Variants in KIR3DL1 observed in about 807,000 individuals in gnomAD.
KIR3DL1 encodes killer cell immunoglobulin-like receptor 3DL1.
In KIR3DL1, 50 loss-of-function variants were observed where a neutral mutation model predicts 40.3. That is an observed-to-expected ratio of 1.24 (90% CI 0.99 to 1.57). The LOEUF is 1.57. Among genes scored for constraint, KIR3DL1 ranks in the 40% most tolerant of loss-of-function variants. The pLI, the probability that KIR3DL1 is intolerant of heterozygous loss-of-function variation, is 0.00. For synonymous variants in KIR3DL1, 257 were observed against 207.2 expected, an observed-to-expected ratio of 1.24 and a Z score of -2.07; for missense variants, 661 against 559.9, an observed-to-expected ratio of 1.18 and a Z score of -1.82.
chr19:54,818,670 C>T lies in KIR3DL1; in HGVS notation c.355+71C>T, dbSNP rs1601317133. On this transcript the variant is annotated intron_variant, in intron 3 of 8. Coordinates refer to ENST00000391728, the Ensembl canonical transcript of KIR3DL1. ...TCCCAGAGCTTCTGGTGGGGGTGTCCGTCAGGGTCCCATCACCCAGGCCCT... is the reference window on the plus strand; with the variant it reads ...TCCCAGAGCTTCTGGTGGGGGTGTCTGTCAGGGTCCCATCACCCAGGCCCT... 26 of 1,546,512 alleles carry T rather than the reference C, an allele frequency of 1.7e-5. 1 individual carries two copies. The highest frequency in any genetic ancestry group is 2.3e-4 in the Middle Eastern group (1 of 4,424).
At chr19:54,816,567 G>A in intron 1 of KIR3DL1, 33 bp downstream of exon 1, 1 of 1,607,940 alleles carries the variant, frequency 6.2e-7, no homozygotes, top group South Asian at 1.1e-5. Context: ...GGGAGGGAGT[G>A]CGGGGATGGA....
chr19:54,825,605 G>A (rs1469254560), intron 6 of KIR3DL1, among the ~76,000 whole-genome samples: 1 of 150,034 alleles, frequency 6.7e-6, no homozygotes, highest in African/African-American at 2.5e-5. Context: ...TGTGCAGTTG[G>A]AATCCTTTCC....
At chr19:54,818,046 C>T (rs550064290) in intron 2 of KIR3DL1, among the ~76,000 whole-genome samples, 5 of 148,630 alleles carry the variant, frequency 3.4e-5, no homozygotes, top group Middle Eastern at 3.2e-3. Flanking sequence ...CCCTCCATGC[C>T]GTGTCTACTT....
intron 6 of KIR3DL1, among the ~76,000 whole-genome samples, chr19:54,825,663 A>G (rs3826865): frequency 0.46 from 65,964 of 143,472 alleles, 14,367 homozygotes; most frequent in Non-Finnish European, 0.53. Context: ...TGAAAACAAA[A>G]CGGTTTTTTA....
rs2061658566 is a variant in KIR3DL1 at position 54,821,859 on chromosome 19, G to A, written c.949+1G>A. 1.9e-6 allele frequency: 3 copies of A among 1,599,520 alleles called. No individual in the cohort carries two copies. The highest frequency in any genetic ancestry group is 2.2e-5 in the South Asian group (2 of 90,586). ...GACCCACTGCTTGTTTCTGTCACAG[G>A]TGAGAAAAGCCCATATCTCTCTCAT... On this transcript the variant is annotated splice_donor_variant, in intron 5 of 8. Coordinates refer to ENST00000391728, the Ensembl canonical transcript of KIR3DL1. LOFTEE classifies it high-confidence loss of function.
At position 54,828,072 on chromosome 19, in the gene KIR3DL1, A is replaced by G. The variant is rs886754558; in HGVS notation, c.1001-1289A>G. Among the ~76,000 whole-genome samples, 122 of 147,354 alleles carry G rather than the reference A, an allele frequency of 8.3e-4. 8 individuals carry two copies. Among genetic ancestry groups the G allele is most frequent in the African/African-American group, 2.5e-3 (96 of 38,934 alleles). Reference sequence around the variant, plus strand: ...GACAGGTGGTATTGAAGCAATAGATAGTCGAGGGGGTGGTCCTTCCCCCAG... The same window carrying G: ...GACAGGTGGTATTGAAGCAATAGATGGTCGAGGGGGTGGTCCTTCCCCCAG... On this transcript the variant is annotated intron_variant, in intron 6 of 8. Transcript: ENST00000391728.
intron 5 of KIR3DL1, among the ~76,000 whole-genome samples, chr19:54,823,351 T>C (rs1476095124): frequency 6.6e-6 from 1 of 151,268 alleles, no homozygotes; most frequent in Non-Finnish European, 1.5e-5. Context: ...TTTAGTTTTT[T>C]AAAGAATTTC....
exon 9 of KIR3DL1, chr19:54,830,114 G>C: frequency 6.6e-7 from 1 of 1,523,800 alleles, no homozygotes; most frequent in African/African-American, 1.4e-5. Context: ...TGATGAACAA[G>C]ACCCTGAGGA....
At chr19:54,821,383 T>C (rs866832216) in intron 4 of KIR3DL1, among the ~76,000 whole-genome samples, 182 bp from the exon 5 acceptor site, 2 of 150,486 alleles carry the variant, frequency 1.3e-5, no homozygotes, top group Middle Eastern at 6.8e-3. Context: ...AGTGAGGTCA[T>C]AGACCTAGAG....
exon 4 of KIR3DL1, chr19:54,819,748 G>T: frequency 6.2e-7 from 1 of 1,610,116 alleles, no homozygotes; most frequent in Non-Finnish European, 8.5e-7. Flanking sequence ...GGCCCACCCA[G>T]GTCCCCTGGT....
chr19:54,827,319 C>T (rs1232234487), intron 6 of KIR3DL1, among the ~76,000 whole-genome samples: 21 of 151,194 alleles, frequency 1.4e-4, no homozygotes, highest in Middle Eastern at 3.4e-3. Flanking sequence ...AGTCTGTGAA[C>T]GGTGGCTCAC....
chr19:54,825,584 C>T (rs1190284401), intron 6 of KIR3DL1, among the ~76,000 whole-genome samples: 1 of 150,288 alleles, frequency 6.7e-6, no homozygotes, highest in East Asian at 1.9e-4. Context: ...GCCACGGCCC[C>T]ATGCTCAGGC....
intron 4 of KIR3DL1, among the ~76,000 whole-genome samples, chr19:54,820,916 A>G (rs1428090571): frequency 6.6e-6 from 1 of 151,214 alleles, no homozygotes; most frequent in Non-Finnish European, 1.5e-5. Context: ...AGATGGATAG[A>G]TAGACGTAGA....
At chr19:54,824,554 G>A (rs2061788269) in intron 5 of KIR3DL1, among the ~76,000 whole-genome samples, 1 of 151,254 alleles carries the variant, frequency 6.6e-6, no homozygotes, top group Non-Finnish European at 1.5e-5. Context: ...ACCAGTGCCT[G>A]TAATACCACT....
At chr19:54,823,393 T>C (rs1359244566) in intron 5 of KIR3DL1, among the ~76,000 whole-genome samples, 2 of 151,418 alleles carry the variant, frequency 1.3e-5, no homozygotes, top group Non-Finnish European at 2.9e-5. Flanking sequence ...TGTACTAATT[T>C]ACATTCCTAC....
rs1373860780 is a variant in KIR3DL1 at position 54,824,121 on chromosome 19, T to C, written c.950-907T>C. On this transcript the variant is annotated intron_variant, in intron 5 of 8. Transcript: ENST00000391728. The stretch of plus-strand genomic sequence containing the variant: ...TGATGTAATCCTAATGGTCTATTTT[T>C]TGCTTTGATTACTTGTGTTTTGAAG... 2.6e-5 allele frequency among the ~76,000 whole-genome samples: 4 copies of C among 151,810 alleles called. No individual in the cohort carries two copies. In the East Asian group the frequency reaches 5.8e-4, roughly 22 times the overall value.
chr19:54,828,699 A>G (rs62124153), intron 6 of KIR3DL1, among the ~76,000 whole-genome samples: 97,315 of 145,300 alleles, frequency 0.67, 33,431 homozygotes, highest in African/African-American at 0.82. Flanking sequence ...GTTCTGGGAC[A>G]ATCCTCCTGA....
chr19:54,820,916 A>T (rs1428090571), intron 4 of KIR3DL1, among the ~76,000 whole-genome samples: 1 of 151,330 alleles, frequency 6.6e-6, no homozygotes, highest in East Asian at 1.9e-4. Flanking sequence ...AGATGGATAG[A>T]TAGACGTAGA....
chr19:54,817,656 C>G, intron 2 of KIR3DL1, 87 bp downstream of exon 2: 2 of 1,109,564 alleles, frequency 1.8e-6, no homozygotes, highest in South Asian at 1.4e-5. Context: ...CGGGGAGTCT[C>G]TCATACACTA....
Sources: allele counts gnomAD v4.1 joint callset (sites outside exome capture counted in the v4.1 genomes callset), GRCh38; gene constraint gnomAD v4.1.1; transcripts MANE v1.5; gene names NCBI Gene and HGNC (gene_info 2026-07-23, HGNC 2026-07-21).